TMEM266: variants seen among roughly 807,000 people sequenced by gnomAD.
TMEM266 encodes the protein Hv1 related protein 1.
In TMEM266, 33 loss-of-function variants were observed where a neutral mutation model predicts 50.5. The observed-to-expected ratio is 0.65, with a 90% CI of 0.50 to 0.87. The LOEUF (loss-of-function observed/expected upper bound fraction) is 0.87. Ranked by LOEUF, TMEM266 falls within the 40% of genes least tolerant of loss-of-function variation. The probability of loss-of-function intolerance (pLI) is 0.00; values close to 1 mark genes in which losing one functional copy is unlikely to be tolerated. For missense variants in TMEM266, 655 were observed against 695.1 expected, an observed-to-expected ratio of 0.94 and a Z score of 0.65; for synonymous variants, 310 against 292.3, an observed-to-expected ratio of 1.06 and a Z score of -0.62.
chr15:76,070,553 G>A (rs184983237), intron 1 of TMEM266, among the ~76,000 whole-genome samples: 3 of 152,280 alleles, frequency 2.0e-5, no homozygotes, highest in Admixed American at 2.0e-4. Flanking sequence ...AGCCAGCTCA[G>A]AAAATAATGG....
chr15:76,078,235 G>T (rs556619506), intron 1 of TMEM266, among the ~76,000 whole-genome samples: 1 of 152,036 alleles, frequency 6.6e-6, no homozygotes, highest in Non-Finnish European at 1.5e-5. Context: ...TCCCCTCAAG[G>T]TGCCCTGCCT....
chr15:76,061,541 C>T (rs919950380), intron 1 of TMEM266, among the ~76,000 whole-genome samples: 1 of 152,206 alleles, frequency 6.6e-6, no homozygotes, highest in Non-Finnish European at 1.5e-5. Flanking sequence ...TATGCATGAG[C>T]ATGTTGGCTT....
At chr15:76,101,195 C>T (rs1285831744) in intron 1 of TMEM266, among the ~76,000 whole-genome samples, 4 of 152,128 alleles carry the variant, frequency 2.6e-5, no homozygotes, top group Non-Finnish European at 5.9e-5. Context: ...AGCTGGAACT[C>T]AGCTAACCAT....
At chr15:76,078,703 A>G (rs2141989174) in intron 1 of TMEM266, among the ~76,000 whole-genome samples, 1 of 152,322 alleles carries the variant, frequency 6.6e-6, no homozygotes, top group African/African-American at 2.4e-5. Context: ...AGGAACTGCC[A>G]GGGCTGGAGA....
At chr15:76,136,144 T>A (rs1367752029) in intron 2 of TMEM266, among the ~76,000 whole-genome samples, 1 of 152,226 alleles carries the variant, frequency 6.6e-6, no homozygotes, top group Non-Finnish European at 1.5e-5. Context: ...GGTTTCACCA[T>A]GCTGGTCAGG....
chr15:76,092,737 A>G (rs1304247459), intron 1 of TMEM266, among the ~76,000 whole-genome samples: 6 of 150,274 alleles, frequency 4.0e-5, no homozygotes, highest in East Asian at 3.9e-4. Flanking sequence ...AATCTATACT[A>G]TGTTCTAGTC....
intron 7 of TMEM266, chr15:76,175,298 C>T: frequency 3.0e-6 from 1 of 335,984 alleles, no homozygotes; most frequent in Non-Finnish European, 5.5e-6. Context: ...GTCTTTATTC[C>T]AGGCAGCTGT....
At chr15:76,105,743 G>A (rs549448851) in intron 1 of TMEM266, among the ~76,000 whole-genome samples, 10 of 152,336 alleles carry the variant, frequency 6.6e-5, no homozygotes, top group African/African-American at 2.4e-4. Flanking sequence ...CCCATACCTG[G>A]TGTGGGATCT....
chr15:76,080,926 T>A (rs1301162564), intron 1 of TMEM266, among the ~76,000 whole-genome samples: 2 of 114,682 alleles, frequency 1.7e-5, no homozygotes, highest in African/African-American at 5.9e-5. Context: ...TTTTTTTTTT[T>A]AATTTGTAGA....
rs1316343626 is a variant in TMEM266 at position 76,139,862 on chromosome 15, C to A, written c.227+1967C>A. ...CCACATGTGCCCCCTGTGCGTGTTA[C>A]GGCACCGCGGGTGGACCTTGCTATG... is the stretch of plus-strand genomic sequence containing the variant. On this transcript the variant is annotated intron_variant, in intron 3 of 10. Coordinates refer to ENST00000388942, the MANE Select transcript of TMEM266 (RefSeq NM_152335.3). The surrounding 1 kb of genome is among the most constrained non-coding windows in gnomAD (Gnocchi z 4.1). Among the ~76,000 whole-genome samples the A allele has an allele frequency of 6.6e-6, 1 of 152,212 alleles. No homozygotes were observed. The highest frequency in any genetic ancestry group is 1.5e-5 in the Non-Finnish European group (1 of 68,040).
chr15:76,063,801 T>C (rs1029431160), intron 1 of TMEM266, among the ~76,000 whole-genome samples: 5 of 152,230 alleles, frequency 3.3e-5, no homozygotes, highest in African/African-American at 1.2e-4. Context: ...TCCCACACTT[T>C]TTGTTTTTGT....
intron 9 of TMEM266, among the ~76,000 whole-genome samples, chr15:76,194,457 C>G (rs768629843): frequency 1.9e-4 from 29 of 152,216 alleles, no homozygotes; most frequent in Admixed American, 5.2e-4. Flanking sequence ...TCCTGGTTCC[C>G]TGTGTCCCTC....
At position 76,105,613 on chromosome 15, in the gene TMEM266, G is replaced by T. The variant is rs115918555; in HGVS notation, c.-96-28555G>T. ...TATATAAATGATTGAGCATGGCTGT[G>T]TTCCAGTGAAACACTGCTTACAAAA... On this transcript the variant is annotated intron_variant, in intron 1 of 10. Coordinates refer to ENST00000388942, the MANE Select transcript of TMEM266 (RefSeq NM_152335.3). Among the ~76,000 whole-genome samples, 923 of 152,370 alleles carry T rather than the reference G, an allele frequency of 6.1e-3. 11 individuals carry two copies. Among genetic ancestry groups the T allele is most frequent in the African/African-American group, 0.021 (893 of 41,588 alleles).
intron 1 of TMEM266, among the ~76,000 whole-genome samples, chr15:76,083,224 G>A (rs1016956090): frequency 1.7e-4 from 25 of 150,376 alleles, no homozygotes; most frequent in Non-Finnish European, 3.1e-4. Flanking sequence ...CGTCAGGGGT[G>A]CTGATACTCT....
chr15:76,122,075 G>C (rs2037355207), intron 1 of TMEM266, among the ~76,000 whole-genome samples: 1 of 152,268 alleles, frequency 6.6e-6, no homozygotes, highest in Non-Finnish European at 1.5e-5. Flanking sequence ...GCTAGGCACA[G>C]CTGGGTGGCT....
rs1349873714 is a variant in TMEM266, at chr15:76,161,089, A to T, written c.456+921A>T. On this transcript the variant is annotated intron_variant, in intron 5 of 10. Coordinates refer to ENST00000388942, the MANE Select transcript of TMEM266 (RefSeq NM_152335.3). This position sits in a 1 kb window ranked among gnomAD's most constrained non-coding sequence, Gnocchi z 4.1. Reference sequence around the variant, plus strand: ...TTCATGTGGAAAACTGGTTTCTCCTAACAGAGCCTAGGACTGGCCCAAGTC... The same window carrying T: ...TTCATGTGGAAAACTGGTTTCTCCTTACAGAGCCTAGGACTGGCCCAAGTC... Among the ~76,000 whole-genome samples the T allele has an allele frequency of 6.6e-6, 1 of 152,150 alleles. No homozygotes were observed. Among genetic ancestry groups the T allele is most frequent in the Non-Finnish European group, 1.5e-5 (1 of 68,022 alleles).
chr15:76,102,937 A>T (rs2037025225), intron 1 of TMEM266, among the ~76,000 whole-genome samples: 1 of 151,388 alleles, frequency 6.6e-6, no homozygotes, highest in African/African-American at 2.4e-5. Context: ...GGGACAGAGG[A>T]TAGAACCTAG....
At chr15:76,069,421 T>G (rs2036500603) in intron 1 of TMEM266, among the ~76,000 whole-genome samples, 1 of 152,130 alleles carries the variant, frequency 6.6e-6, no homozygotes, top group Non-Finnish European at 1.5e-5. Context: ...TGAGTTTGCA[T>G]AGTAAGAGGA....
chr15:76,184,098 A>G (rs1336597879), intron 8 of TMEM266, among the ~76,000 whole-genome samples: 6 of 152,212 alleles, frequency 3.9e-5, no homozygotes, highest in African/African-American at 1.4e-4. Flanking sequence ...TAGCAGGAAT[A>G]AAGCCGTGGT....
Sources: gnomAD v4.1 joint callset for allele counts (sites outside exome capture counted in the v4.1 genomes callset) on GRCh38, gnomAD v4.1.1 for gene constraint, Gnocchi (gnomAD v3.1) non-coding constraint, MANE v1.5 for transcripts, NCBI Gene and HGNC (gene_info 2026-07-23, HGNC 2026-07-21) for gene names.